The following SLC68A1 variants were observed in gnomAD, a reference collection of about 807,000 sequenced individuals.
The protein encoded by SLC68A1 is major facilitator superfamily domain containing 13A.
At chr10:102,472,920 A>G in the SLC68A1 span, 1 of 1,614,044 alleles carries the variant, frequency 6.2e-7, no homozygotes, top group Non-Finnish European at 8.5e-7. Flanking sequence ...GTCCGACCAT[A>G]TCTCCCTTTC....
chr10:102,463,914 A>C, the SLC68A1 span, among the ~76,000 whole-genome samples: 1 of 152,148 alleles, frequency 6.6e-6, no homozygotes, highest in Non-Finnish European at 1.5e-5. Context: ...GGCATTTAGA[A>C]AGGAATTTGA....
chr10:102,473,909 G>T, the SLC68A1 span: 4 of 1,614,082 alleles, frequency 2.5e-6, no homozygotes, highest in Non-Finnish European at 3.4e-6. Context: ...ACCACCGCAA[G>T]CAGGCAGCCT....
At chr10:102,471,067 T>C in the SLC68A1 span, 1 of 1,613,836 alleles carries the variant, frequency 6.2e-7, no homozygotes, top group African/African-American at 1.3e-5. Context: ...GGCGGCGGGT[T>C]GAGGCGGCCC....
At chr10:102,476,962 G>A in the SLC68A1 span, 1 of 985,956 alleles carries the variant, frequency 1.0e-6, no homozygotes, top group Non-Finnish European at 1.2e-6. Context: ...CTCCTCTGCT[G>A]CAGGGCTCCC....
At chr10:102,473,019 G>A in the SLC68A1 span, 1 of 1,253,496 alleles carries the variant, frequency 8.0e-7, no homozygotes, top group South Asian at 1.2e-5. Flanking sequence ...GTAGAGATGG[G>A]GTTTCACCGT....
chr10:102,463,460 C>G, the SLC68A1 span, among the ~76,000 whole-genome samples: 1 of 152,016 alleles, frequency 6.6e-6, no homozygotes, highest in African/African-American at 2.4e-5. Context: ...CGTGAGCCAC[C>G]GCGCCCGGTA....
the SLC68A1 span, among the ~76,000 whole-genome samples, chr10:102,471,672 T>C: frequency 6.6e-6 from 1 of 151,468 alleles, no homozygotes; most frequent in Non-Finnish European, 1.5e-5. Context: ...GGCAGGAGAA[T>C]CACTTGAACC....
chr10:102,475,211 G>A, the SLC68A1 span, among the ~76,000 whole-genome samples: 2 of 151,982 alleles, frequency 1.3e-5, no homozygotes, highest in East Asian at 1.9e-4. Context: ...CAGGAGAATC[G>A]CTTGAAACTG....
the SLC68A1 span, chr10:102,475,888 G>A: frequency 6.2e-7 from 1 of 1,613,898 alleles, no homozygotes; most frequent in Non-Finnish European, 8.5e-7. Context: ...TCTTCACCTG[G>A]TCCCAGTTCA....
At chr10:102,476,899 T>C in the SLC68A1 span, 6 of 985,450 alleles carry the variant, frequency 6.1e-6, no homozygotes, top group Non-Finnish European at 7.2e-6. Flanking sequence ...TCCACCCTTC[T>C]AGTGGTTTCT....
the SLC68A1 span, among the ~76,000 whole-genome samples, chr10:102,462,760 C>T: frequency 6.6e-6 from 1 of 152,232 alleles, no homozygotes; most frequent in African/African-American, 2.4e-5. Context: ...GATGTGGCCC[C>T]TTTCTCCCGC....
the SLC68A1 span, among the ~76,000 whole-genome samples, chr10:102,465,401 C>T: frequency 5.9e-5 from 9 of 151,492 alleles, 1 homozygote; most frequent in African/African-American, 1.7e-4. Context: ...CTCCAGCCTG[C>T]GTGACAGAGC....
the SLC68A1 span, chr10:102,473,649 G>A: frequency 6.2e-7 from 1 of 1,614,110 alleles, no homozygotes; most frequent in South Asian, 1.1e-5. Flanking sequence ...ACGCGGTGGT[G>A]CGGGGGCTCT....
the SLC68A1 span, among the ~76,000 whole-genome samples, chr10:102,465,514 C>T: frequency 6.6e-6 from 1 of 152,146 alleles, no homozygotes; most frequent in Non-Finnish European, 1.5e-5. Context: ...AGCCCACAGC[C>T]ATCTAAGAGG....
chr10:102,466,851 T>A, the SLC68A1 span, among the ~76,000 whole-genome samples: 1 of 152,212 alleles, frequency 6.6e-6, no homozygotes, highest in Non-Finnish European at 1.5e-5. Flanking sequence ...TAAGTGACCC[T>A]GCTAAGGATA....
chr10:102,467,440 A>G, the SLC68A1 span, among the ~76,000 whole-genome samples: 26 of 152,352 alleles, frequency 1.7e-4, no homozygotes, highest in Admixed American at 4.6e-4. Context: ...TCACAGGTAC[A>G]TGCATATGGT....
chr10:102,475,747 C>A, the SLC68A1 span: 1 of 1,610,280 alleles, frequency 6.2e-7, no homozygotes, highest in Non-Finnish European at 8.5e-7. Context: ...AGCAGTCCCT[C>A]ATAACCCCTG....
At chr10:102,476,782 G>C in the SLC68A1 span, 1 of 986,028 alleles carries the variant, frequency 1.0e-6, no homozygotes, top group Non-Finnish European at 1.2e-6. Flanking sequence ...CCCGCTGCCT[G>C]ACTGGAGCTG....
the SLC68A1 span, chr10:102,475,810 C>T: frequency 6.2e-7 from 1 of 1,614,070 alleles, no homozygotes; most frequent in South Asian, 1.1e-5. Context: ...CTGCACAGGC[C>T]CCGACGCTCC....
Sources: allele counts gnomAD v4.1 joint callset (sites outside exome capture counted in the v4.1 genomes callset), GRCh38; gene constraint gnomAD v4.1.1; transcripts MANE v1.5; gene names NCBI Gene and HGNC (gene_info 2026-07-23, HGNC 2026-07-21).